The following GPR158 variants were observed in gnomAD, a reference collection of about 807,000 sequenced individuals.
The protein encoded by GPR158 is metabotropic glycine receptor.
Under a neutral mutation model 78.2 loss-of-function variants are expected in GPR158, and 30 were observed. The observed-to-expected ratio is 0.38, with a 90% CI of 0.29 to 0.52. The LOEUF is 0.52. GPR158 is among the 20% of genes least tolerant of loss of function. GPR158 has a pLI of 0.83. For missense variants in GPR158, 1,463 were observed against 1,523.5 expected, an observed-to-expected ratio of 0.96 and a Z score of 0.66; for synonymous variants, 581 against 591.1, an observed-to-expected ratio of 0.98 and a Z score of 0.25.
intron 2 of GPR158, among the ~76,000 whole-genome samples, chr10:25,319,564 T>G (rs983509590): frequency 2.6e-5 from 4 of 152,162 alleles, no homozygotes; most frequent in African/African-American, 9.7e-5. Flanking sequence ...GAGAATAAAT[T>G]AAAAGCTATA....
intron 2 of GPR158, among the ~76,000 whole-genome samples, chr10:25,384,825 T>C (rs979193012): frequency 5.9e-5 from 9 of 152,186 alleles, no homozygotes; most frequent in Non-Finnish European, 1.2e-4. Flanking sequence ...TCTGCAATTA[T>C]GTTTACCAGG....
rs150955011 is a variant in GPR158 at position 25,403,192 on chromosome 10, A to G, written c.1111+7179A>G. 5.4e-3 allele frequency among the ~76,000 whole-genome samples: 823 copies of G among 152,064 alleles called. 11 individuals are homozygous for G. The highest frequency in any genetic ancestry group is 0.019 in the African/African-American group (795 of 41,524). On this transcript the variant is annotated intron_variant, in intron 3 of 10. Transcript: ENST00000376351. ...CCATTCTAAGGTTTATACTTTTACT[A>G]GTTTCTATAAATATAAGACTATATT...
At chr10:25,354,287 GGA>G (rs1855517214) in intron 2 of GPR158, among the ~76,000 whole-genome samples, 1 of 151,558 alleles carries the variant, frequency 6.6e-6, no homozygotes, top group Admixed American at 6.6e-5. Flanking sequence ...CTGGAGAGGT[GGA>G]GGTTGCAGTG....
At chr10:25,463,034 C>T (rs1320794565) in intron 4 of GPR158, among the ~76,000 whole-genome samples, 1 of 152,172 alleles carries the variant, frequency 6.6e-6, no homozygotes, top group Non-Finnish European at 1.5e-5. Context: ...TCGACTGGTA[C>T]AGCAAACTTC....
chr10:25,262,123 T>C (rs1410402564), intron 2 of GPR158, among the ~76,000 whole-genome samples: 1 of 152,148 alleles, frequency 6.6e-6, no homozygotes, highest in Non-Finnish European at 1.5e-5. Flanking sequence ...AATGATCTGC[T>C]TAACACATTG....
intron 2 of GPR158, among the ~76,000 whole-genome samples, chr10:25,298,178 A>AATTCTAG (rs1384897913): frequency 6.6e-6 from 1 of 152,220 alleles, no homozygotes; most frequent in African/African-American, 2.4e-5. Context: ...GCTGTGTTGT[A>AATTCTAG]AGGCTTAATT....
At chr10:25,578,390 G>C (rs1004377675) in intron 7 of GPR158, among the ~76,000 whole-genome samples, 1 of 152,220 alleles carries the variant, frequency 6.6e-6, no homozygotes, top group African/African-American at 2.4e-5. Context: ...ACTTAGACCA[G>C]TATGAGGAAA....
chr10:25,511,327 G>T (rs994541588), intron 5 of GPR158, among the ~76,000 whole-genome samples: 2 of 152,054 alleles, frequency 1.3e-5, no homozygotes, highest in African/African-American at 4.8e-5. Context: ...ATGTTTGTTG[G>T]CCATTTGTAT....
chr10:25,280,104 A>G (rs535221064), intron 2 of GPR158, among the ~76,000 whole-genome samples: 2 of 152,308 alleles, frequency 1.3e-5, no homozygotes, highest in South Asian at 4.1e-4. Flanking sequence ...ACAAGATGAG[A>G]TGGTAGAAAT....
chr10:25,288,264 T>G (rs1854381652), intron 2 of GPR158, among the ~76,000 whole-genome samples: 1 of 152,190 alleles, frequency 6.6e-6, no homozygotes, highest in African/African-American at 2.4e-5. Context: ...TTAATCAGCT[T>G]TATCACTTCC....
intron 5 of GPR158, among the ~76,000 whole-genome samples, chr10:25,538,842 G>A (rs1204992939): frequency 2.0e-5 from 3 of 152,124 alleles, no homozygotes; most frequent in African/African-American, 7.2e-5. Flanking sequence ...GTCACGCATC[G>A]TAATTTATTC....
intron 2 of GPR158, among the ~76,000 whole-genome samples, chr10:25,241,898 C>T (rs971770889): frequency 2.6e-5 from 4 of 152,068 alleles, no homozygotes; most frequent in African/African-American, 9.7e-5. Flanking sequence ...GTATCTAGAC[C>T]CATTAGTTGA....
At chr10:25,540,136 A>G (rs1293847521) in intron 5 of GPR158, among the ~76,000 whole-genome samples, 5 of 152,228 alleles carry the variant, frequency 3.3e-5, no homozygotes, top group African/African-American at 1.2e-4. Flanking sequence ...GGCGAAGGAT[A>G]TGAACAGACA....
intron 2 of GPR158, among the ~76,000 whole-genome samples, chr10:25,272,195 A>G (rs1400600194): frequency 6.6e-6 from 1 of 152,190 alleles, no homozygotes; most frequent in Non-Finnish European, 1.5e-5. Context: ...TAATTCAGTA[A>G]TGTTCCCAAA....
At chr10:25,383,368 G>T (rs34893617) in intron 2 of GPR158, among the ~76,000 whole-genome samples, 2 of 152,012 alleles carry the variant, frequency 1.3e-5, no homozygotes. Flanking sequence ...ATAAGTCTCC[G>T]GTCAAAACAA....
chr10:25,249,728 T>A (rs1231510902), intron 2 of GPR158, among the ~76,000 whole-genome samples: 1 of 151,946 alleles, frequency 6.6e-6, no homozygotes. Flanking sequence ...ATTTTATTGA[T>A]GATTTTTGCA....
intron 4 of GPR158, among the ~76,000 whole-genome samples, chr10:25,445,305 G>A (rs1004207139): frequency 2.0e-5 from 3 of 152,136 alleles, no homozygotes; most frequent in Non-Finnish European, 4.4e-5. Flanking sequence ...AGCAGCATCT[G>A]CAAAAGTCTT....
intron 9 of GPR158, among the ~76,000 whole-genome samples, chr10:25,594,993 G>T (rs1350744323): frequency 6.6e-6 from 1 of 151,756 alleles, no homozygotes; most frequent in Non-Finnish European, 1.5e-5. Flanking sequence ...TAATAGTAAG[G>T]CTTCCTGAAA....
intron 2 of GPR158, among the ~76,000 whole-genome samples, chr10:25,366,653 A>G (rs941610626): frequency 2.6e-5 from 4 of 151,688 alleles, no homozygotes; most frequent in Non-Finnish European, 1.5e-5. Flanking sequence ...ATGTAGTACA[A>G]TGGATCTCCT....
Sources: gnomAD v4.1 joint callset for allele counts (sites outside exome capture counted in the v4.1 genomes callset) on GRCh38, gnomAD v4.1.1 for gene constraint, MANE v1.5 for transcripts, NCBI Gene and HGNC (gene_info 2026-07-23, HGNC 2026-07-21) for gene names.